The following GOLGA1 variants were observed in gnomAD, a reference collection of about 807,000 sequenced individuals.
The protein encoded by GOLGA1 is golgin subfamily A member 1.
GOLGA1 carries 63 observed loss-of-function variants against 119.7 expected under a neutral mutation model. That is an observed-to-expected ratio of 0.53 (90% CI 0.43 to 0.65). The LOEUF (loss-of-function observed/expected upper bound fraction) is 0.65, where lower values mean the gene tolerates loss of function less well. Among genes scored for constraint, GOLGA1 ranks in the 30% least tolerant of loss-of-function variants. GOLGA1 has a pLI of 0.00. For synonymous variants in GOLGA1, 318 were observed against 333.4 expected (o/e 0.95, Z 0.50); for missense variants, 798 against 912.8 (o/e 0.87, Z 1.62).
chr9:124,885,337 T>G (rs1829695460), intron 19 of GOLGA1, among the ~76,000 whole-genome samples: 1 of 122,254 alleles, frequency 8.2e-6, no homozygotes, highest in Non-Finnish European at 1.8e-5. Flanking sequence ...AAAAAAAAAT[T>G]AGCCAGGCGT....
chr9:124,910,495 C>T (rs1008861592), intron 11 of GOLGA1, among the ~76,000 whole-genome samples: 7 of 152,206 alleles, frequency 4.6e-5, no homozygotes, highest in African/African-American at 1.4e-4. Context: ...TACTCTGTTC[C>T]GGTTATCATT....
intron 11 of GOLGA1, among the ~76,000 whole-genome samples, chr9:124,910,021 C>A (rs1171301843): frequency 6.6e-6 from 1 of 152,148 alleles, no homozygotes; most frequent in East Asian, 1.9e-4. Context: ...CTGCAACCTC[C>A]CAGGTTCAAG....
intron 19 of GOLGA1, among the ~76,000 whole-genome samples, chr9:124,884,034 CG>C (rs1389388480): frequency 1.3e-5 from 2 of 151,190 alleles, no homozygotes; most frequent in East Asian, 3.9e-4. Context: ...TTTTTTGAGA[CG>C]GAGTCTTACC....
rs184569533 is a variant in GOLGA1, at chr9:124,879,889, T to C, written c.*641A>G. The C allele has an allele frequency of 6.5e-6, 1 of 152,790 alleles. No homozygotes were observed. Among genetic ancestry groups the C allele is most frequent in the African/African-American group, 2.4e-5 (1 of 41,578 alleles). 9.5% of individuals were successfully genotyped at this position (152,790 alleles called of 1,614,324 possible). A position where few individuals can be genotyped will look rare whatever the true frequency, so the allele number is the denominator to read the frequency against. ...ACTAAGGGTCTTTTCATATATTTGC[T>C]AGTTTTCTTAAGTAAAGTGGAGATA... On this transcript the variant is annotated 3_prime_UTR_variant, in exon 23 of 23. Transcript: ENST00000373555.
chr9:124,939,550 CTTTTTTTTTTTTTTTT>C (rs3051147), intron 2 of GOLGA1, among the ~76,000 whole-genome samples: 1 of 81,858 alleles, frequency 1.2e-5, no homozygotes, highest in Non-Finnish European at 2.4e-5. Context: ...TTCTTTCTTT[CTTTTTTTTTTTTTTTT>C]TTTTTTTTTT....
intron 15 of GOLGA1, among the ~76,000 whole-genome samples, chr9:124,895,393 GAGACTCTCC>G (rs1829950248): frequency 2.3e-5 from 3 of 132,368 alleles, no homozygotes; most frequent in African/African-American, 8.9e-5. Context: ...CTCCACAACA[GAGACTCTCC>G]ACAACAGAGA....
At chr9:124,904,812 C>T (rs533466517) in intron 12 of GOLGA1, among the ~76,000 whole-genome samples, 1 of 152,132 alleles carries the variant, frequency 6.6e-6, no homozygotes, top group Non-Finnish European at 1.5e-5. Flanking sequence ...TGGTCACATG[C>T]CTGTAATCCC....
rs148870911 is a variant in GOLGA1 at position 124,916,178 on chromosome 9, C to T, written c.844-4152G>A. ...AAAAAAAAAAAAGTAAGGTGAATTC[C>T]ATGAAAATATTGTGTTAAGTACAAT... On this transcript the variant is annotated intron_variant, in intron 10 of 22. Coordinates refer to ENST00000373555, the MANE Select transcript of GOLGA1 (RefSeq NM_002077.4). Among the ~76,000 whole-genome samples, 293 of 149,484 alleles carry T rather than the reference C, an allele frequency of 2.0e-3. 1 individual carries two copies. The highest frequency in any genetic ancestry group is 3.5e-3 in the Middle Eastern group (1 of 286).
intron 8 of GOLGA1, 123 bp from the exon 9 acceptor site, chr9:124,922,015 G>T: frequency 1.3e-6 from 1 of 785,112 alleles, no homozygotes; most frequent in Non-Finnish European, 2.1e-6. Flanking sequence ...ATCACTTGAG[G>T]TCAGGAGTTT....
chr9:124,943,390 C>G (rs1564350944), upstream of GOLGA1: 1 of 152,148 alleles, frequency 6.6e-6, no homozygotes, highest in Admixed American at 6.5e-5. Flanking sequence ...AAGATTGTTT[C>G]AAAGATTACA....
intron 8 of GOLGA1, among the ~76,000 whole-genome samples, chr9:124,922,180 A>T (rs983233237): frequency 2.0e-5 from 3 of 151,318 alleles, no homozygotes; most frequent in African/African-American, 7.3e-5. Context: ...ATTAGCCAAG[A>T]TCGCGCCACT....
chr9:124,905,937 AC>A (rs2131431892), intron 12 of GOLGA1, among the ~76,000 whole-genome samples: 1 of 150,732 alleles, frequency 6.6e-6, no homozygotes, highest in South Asian at 2.1e-4. Context: ...ACATGACAAA[AC>A]CCCGTCTCTG....
At chr9:124,909,377 G>A (rs141003801) in intron 11 of GOLGA1, among the ~76,000 whole-genome samples, 12 of 151,164 alleles carry the variant, frequency 7.9e-5, no homozygotes, top group East Asian at 2.0e-4. Context: ...GGAAGCCGAC[G>A]TGGACAGATC....
chr9:124,884,520 G>T (rs1371191418), intron 19 of GOLGA1, among the ~76,000 whole-genome samples: 2 of 152,112 alleles, frequency 1.3e-5, no homozygotes, highest in Non-Finnish European at 2.9e-5. Context: ...TTGTCTTACT[G>T]CGTGGCTGGG....
intron 19 of GOLGA1, among the ~76,000 whole-genome samples, chr9:124,883,162 C>T (rs1398232535): frequency 1.3e-5 from 2 of 151,680 alleles, no homozygotes; most frequent in African/African-American, 2.4e-5. Flanking sequence ...TGCAATGACA[C>T]GATCTCAGCT....
intron 7 of GOLGA1, among the ~76,000 whole-genome samples, chr9:124,925,024 G>A (rs1213320787): frequency 1.3e-5 from 2 of 150,710 alleles, no homozygotes; most frequent in Middle Eastern, 3.5e-3. Context: ...AGCTTGCAGT[G>A]AGCCAAGATC....
Position 124,899,399 on chromosome 9 carries a change from G to T in GOLGA1, c.1241C>A (p.Ala414Glu), listed in dbSNP as rs184457003. ...CAGGGCCACTATCTGGGCTTCTAGC[G>T]CCTGGGTGCGCTCCAAGAACTGCTG... is the stretch of plus-strand genomic sequence containing the variant. Reference protein sequence around the residue: ...LEQQFLERTQALEAQIVALER... With the variant: ...LEQQFLERTQELEAQIVALER... The change falls in exon 14 of 23, where the codon GCG becomes GAG. Residue 414 changes from alanine (A) to glutamate (E), a missense_variant. Physicochemically the swap from Ala to Glu is moderately radical, Grantham distance 107. Transcript: ENST00000373555. The T allele has an allele frequency of 1.9e-6, 3 of 1,548,762 alleles. No individual in the cohort carries two copies. The highest frequency in any genetic ancestry group is 2.6e-6 in the Non-Finnish European group (3 of 1,147,246).
Position 124,889,198 on chromosome 9 carries a change from A to G in GOLGA1, c.1706T>C (p.Leu569Pro), listed in dbSNP as rs1455960257. The stretch of plus-strand genomic sequence containing the variant: ...CTGCAATGGGCCCCGCAGCCTCAGC[A>G]GGTCCTCCTGCTCCGCGACCACTGC... ...EAAVVAEQEDLLRLRGPLQAE... is the reference protein window; with the variant it reads ...EAAVVAEQEDPLRLRGPLQAE... The change falls in exon 18 of 23, where the codon CTG (leucine) becomes CCG (proline). Residue 569 changes from leucine to proline, a missense_variant. Transcript: ENST00000373555. 7.4e-6 allele frequency: 12 copies of G among 1,612,800 alleles called. No homozygotes were observed. The Admixed American group carries it at 2.0e-4, about 27-fold the overall frequency.
intron 10 of GOLGA1, among the ~76,000 whole-genome samples, chr9:124,920,108 C>T (rs572724251): frequency 2.0e-5 from 3 of 151,898 alleles, no homozygotes. Context: ...TACAGGTGCA[C>T]GCCACCACAC....
Sources: allele counts gnomAD v4.1 joint callset (sites outside exome capture counted in the v4.1 genomes callset), GRCh38; gene constraint gnomAD v4.1.1; transcripts MANE v1.5; gene names NCBI Gene and HGNC (gene_info 2026-07-23, HGNC 2026-07-21).